Variants in ANXA6 observed in about 807,000 individuals in gnomAD.
ANXA6 encodes the protein annexin A6.
A neutral mutation model predicts 95.4 loss-of-function variants in ANXA6; 71 were observed. The observed-to-expected ratio is 0.74, with a 90% CI of 0.61 to 0.91. The LOEUF (loss-of-function observed/expected upper bound fraction) is 0.91. Ranked by LOEUF, ANXA6 falls within the 40% of genes least tolerant of loss-of-function variation. The pLI, the probability that ANXA6 is intolerant of heterozygous loss-of-function variation, is 0.00. For synonymous variants in ANXA6, 289 were observed against 315.9 expected (o/e 0.91, Z 0.90); for missense variants, 830 against 876.4 (o/e 0.95, Z 0.67).
At position 151,138,574 on chromosome 5, in the gene ANXA6, T is replaced by C. The variant is rs971623626; in HGVS notation, c.318+104A>G. On this transcript the variant is annotated intron_variant, in intron 5 of 25. Coordinates refer to ENST00000354546, the MANE Select transcript of ANXA6 (RefSeq NM_001155.5). ...AGATGTGTCTTTGAAGCAGGACACA[T>C]GTGCTGGGTGGGTATGGGGCTCACC... is the stretch of plus-strand genomic sequence containing the variant. The C allele has an allele frequency of 1.2e-5, 9 of 739,906 alleles. No individual in the cohort carries two copies. The African/African-American group carries it at 1.6e-4, about 13-fold the overall frequency. The allele number at this position is 739,906 out of a possible 1,614,324, so 45.8% of individuals were successfully genotyped here.
chr5:151,125,020 A>T (rs891227698), intron 14 of ANXA6, among the ~76,000 whole-genome samples: 1 of 152,238 alleles, frequency 6.6e-6, no homozygotes, highest in Non-Finnish European at 1.5e-5. Flanking sequence ...GGTGCCTACA[A>T]CAGTGTCTGA....
intron 7 of ANXA6, among the ~76,000 whole-genome samples, chr5:151,135,881 C>T (rs928363035): frequency 6.6e-5 from 10 of 152,140 alleles, no homozygotes; most frequent in Non-Finnish European, 1.3e-4. Context: ...TTGTAGCCTC[C>T]TAATAGTCTC....
At chr5:151,154,154 G>C (rs962244162) in intron 1 of ANXA6, among the ~76,000 whole-genome samples, 7 of 151,992 alleles carry the variant, frequency 4.6e-5, no homozygotes, top group African/African-American at 1.7e-4. Context: ...GCAGGGGCGT[G>C]TTTTTCCATA....
chr5:151,121,836 G>C (rs148756938), intron 17 of ANXA6, among the ~76,000 whole-genome samples: 1 of 152,222 alleles, frequency 6.6e-6, no homozygotes, highest in East Asian at 1.9e-4. Flanking sequence ...GGAGCCGCTA[G>C]CTGGCGGGAT....
intron 20 of ANXA6, among the ~76,000 whole-genome samples, chr5:151,112,074 G>C (rs574683145): frequency 2.2e-3 from 336 of 152,206 alleles, no homozygotes; most frequent in Admixed American, 5.1e-3. Context: ...GGGATTATAG[G>C]CACTGCACCT....
At chr5:151,152,921 G>A (rs531926463) in intron 1 of ANXA6, among the ~76,000 whole-genome samples, 3 of 152,128 alleles carry the variant, frequency 2.0e-5, no homozygotes, top group Non-Finnish European at 4.4e-5. Flanking sequence ...GATGTTGAGC[G>A]TAAGGGGGTG....
chr5:151,138,763 A>C lies in ANXA6; in HGVS notation c.233T>G (p.Leu78Trp), dbSNP rs1765740937. ...KDLIADLKYE[L>W]TGKFERLIVG... ...AATCAACCGTTCAAACTTGCCCGTC[A>C]ATTCATACTTTAAATCAGCAATGAG... The change falls in exon 5 of 26, where the codon TTG becomes TGG. Residue 78 changes from leucine to tryptophan, a missense_variant. By Grantham distance (61) the Leu-to-Trp change is moderately conservative. Coordinates refer to ENST00000354546, the MANE Select transcript of ANXA6 (RefSeq NM_001155.5). 1 of 1,613,898 alleles carries C rather than the reference A, an allele frequency of 6.2e-7. No homozygotes were observed. The highest frequency in any genetic ancestry group is 8.5e-7 in the Non-Finnish European group (1 of 1,179,810).
chr5:151,119,235 T>C (rs1765091168), intron 18 of ANXA6, 65 bp downstream of exon 18: 1 of 1,348,590 alleles, frequency 7.4e-7, no homozygotes, highest in South Asian at 1.2e-5. Flanking sequence ...AGCTGTGGGC[T>C]GGGGTTGGAA....
intron 14 of ANXA6, among the ~76,000 whole-genome samples, 190 bp downstream of exon 14, chr5:151,126,212 G>A (rs1399215599): frequency 6.6e-6 from 1 of 152,148 alleles, no homozygotes; most frequent in Non-Finnish European, 1.5e-5. Flanking sequence ...CGTGTCAGAA[G>A]CTAATGCAGA....
intron 5 of ANXA6, among the ~76,000 whole-genome samples, chr5:151,138,076 A>G (rs986818182): frequency 3.9e-5 from 6 of 152,210 alleles, no homozygotes; most frequent in African/African-American, 1.4e-4. Context: ...TATAAAATGA[A>G]TTCATGCTTA....
At chr5:151,155,878 G>C (rs1196452609) in intron 1 of ANXA6, among the ~76,000 whole-genome samples, 1 of 152,170 alleles carries the variant, frequency 6.6e-6, no homozygotes, top group Non-Finnish European at 1.5e-5. Context: ...TCCGAGGCTG[G>C]ATCCTGGTGG....
intron 17 of ANXA6, among the ~76,000 whole-genome samples, chr5:151,121,004 T>C (rs1297028839): frequency 2.0e-5 from 3 of 152,216 alleles, no homozygotes; most frequent in African/African-American, 7.2e-5. Context: ...ACCTCATCGA[T>C]CTCTTCTATT....
chr5:151,130,609 AG>A (rs1765467973), intron 11 of ANXA6, among the ~76,000 whole-genome samples: 1 of 152,222 alleles, frequency 6.6e-6, no homozygotes, highest in Admixed American at 6.5e-5. Flanking sequence ...ACATCTCTCT[AG>A]GGCTGAGCTG....
In ANXA6 at chr5:151,105,231, G is replaced by A. The variant is rs752726221; in HGVS notation, c.1839+14C>T. The A allele has an allele frequency of 3.7e-6, 6 of 1,612,318 alleles. No individual in the cohort carries two copies. The highest frequency in any genetic ancestry group is 1.7e-5 in the Admixed American group (1 of 60,018). On this transcript the variant is annotated intron_variant, in intron 24 of 25. Coordinates refer to ENST00000354546, the MANE Select transcript of ANXA6 (RefSeq NM_001155.5). Reference sequence around the variant, plus strand: ...AGTGCTTGAAGGGAAAGGAACGCCAGCATGTTTTCTTACCTTCATGGATTT... The same window carrying A: ...AGTGCTTGAAGGGAAAGGAACGCCAACATGTTTTCTTACCTTCATGGATTT...
At chr5:151,124,500 A>G (rs1340136467) in intron 14 of ANXA6, 133 bp from the exon 15 acceptor site, 2 of 730,916 alleles carry the variant, frequency 2.7e-6, no homozygotes, top group African/African-American at 3.5e-5. Context: ...AAAGAGGCAG[A>G]GGTGAAGCCA....
chr5:151,138,727 A>C lies in ANXA6; in HGVS notation c.269T>G (p.Met90Arg), dbSNP rs1395807812. 1.9e-6 allele frequency: 3 copies of C among 1,613,876 alleles called. No individual in the cohort carries two copies. Among genetic ancestry groups the C allele is most frequent in the Non-Finnish European group, 2.5e-6 (3 of 1,179,880 alleles). ...GGCATCACAATAGGCAGGTGGCCTC[A>C]TCAGGCCCACAATCAACCGTTCAAA... is the stretch of plus-strand genomic sequence containing the variant. Reference protein sequence around the residue: ...GKFERLIVGLMRPPAYCDAKE... With the variant: ...GKFERLIVGLRRPPAYCDAKE... The change falls in exon 5 of 26, where the codon ATG becomes AGG. Residue 90 changes from methionine to arginine, a missense_variant. Physicochemically the swap from Met to Arg is moderately conservative, Grantham distance 91. Coordinates refer to ENST00000354546, the MANE Select transcript of ANXA6 (RefSeq NM_001155.5).
chr5:151,115,441 C>A (rs1221996314), intron 20 of ANXA6, among the ~76,000 whole-genome samples: 2 of 152,158 alleles, frequency 1.3e-5, no homozygotes, highest in African/African-American at 4.8e-5. Context: ...TTCTCTCTCT[C>A]CACTTCTCTC....
At chr5:151,123,694 T>C (rs3792776) in intron 15 of ANXA6, among the ~76,000 whole-genome samples, 41,431 of 151,906 alleles carry the variant, frequency 0.27, 5,797 homozygotes, top group Middle Eastern at 0.35. Context: ...CTCCTGGGAG[T>C]TGCTGTCAGA....
chr5:151,101,389 C>T lies in ANXA6; in HGVS notation c.*59G>A. The T allele has an allele frequency of 8.4e-7, 1 of 1,183,774 alleles. No individual in the cohort carries two copies. The highest frequency in any genetic ancestry group is 1.1e-6 in the Non-Finnish European group (1 of 871,530). The allele number at this position is 1,183,774 out of a possible 1,614,324, so 73.3% of individuals were successfully genotyped here. A position where few individuals can be genotyped will look rare whatever the true frequency, so the allele number is the denominator to read the frequency against. On this transcript the variant is annotated 3_prime_UTR_variant, in exon 26 of 26. Coordinates refer to ENST00000354546, the MANE Select transcript of ANXA6 (RefSeq NM_001155.5). ...CTGGAGCTGGAACAATCAGGCTTGG[C>T]CATGGCGGCTGGTGCTGATAACCAT... is the stretch of plus-strand genomic sequence containing the variant.
Sources: allele counts gnomAD v4.1 joint callset (sites outside exome capture counted in the v4.1 genomes callset), GRCh38; gene constraint gnomAD v4.1.1; transcripts MANE v1.5; gene names NCBI Gene and HGNC (gene_info 2026-07-23, HGNC 2026-07-21).